EEF1G: variants seen among roughly 807,000 people sequenced by gnomAD.
EEF1G encodes elongation factor 1-gamma.
EEF1G carries 14 observed loss-of-function variants against 58.3 expected under a neutral mutation model. The observed-to-expected ratio is 0.24, with a 90% confidence interval of 0.16 to 0.38. EEF1G has a LOEUF of 0.38. Ranked by LOEUF, EEF1G falls within the 10% of genes least tolerant of loss-of-function variation. The probability of loss-of-function intolerance (pLI) is 1.00; values close to 1 mark genes in which losing one functional copy is unlikely to be tolerated. For synonymous variants in EEF1G, 180 were observed against 206.8 expected, an observed-to-expected ratio of 0.87 and a Z score of 1.11; for missense variants, 322 against 550.1, an observed-to-expected ratio of 0.59 and a Z score of 4.15.
chr11:62,565,153 G>C (rs1012459358), intron 7 of EEF1G, among the ~76,000 whole-genome samples: 1 of 152,050 alleles, frequency 6.6e-6, no homozygotes, highest in Non-Finnish European at 1.5e-5. Context: ...CCAGCACTTT[G>C]AGAGGCCAAG....
chr11:62,572,469 TG>T, intron 2 of EEF1G, 114 bp downstream of exon 2: 1 of 1,367,962 alleles, frequency 7.3e-7, no homozygotes, highest in Non-Finnish European at 1.0e-6. Context: ...TCACCGAAAT[TG>T]AATAAAACAA....
At chr11:62,563,127 T>A (rs1187186424) in intron 7 of EEF1G, among the ~76,000 whole-genome samples, 1 of 151,340 alleles carries the variant, frequency 6.6e-6, no homozygotes, top group African/African-American at 2.4e-5. Flanking sequence ...AACAATCCTT[T>A]TTTTTTTATT....
chr11:62,567,635 C>T, intron 5 of EEF1G, 107 bp from the exon 6 acceptor site: 2 of 1,154,250 alleles, frequency 1.7e-6, no homozygotes, highest in Admixed American at 6.6e-5. Context: ...ACCTTCTTTT[C>T]AAACCCTATA....
At chr11:62,567,109 G>A (rs765319189) in intron 6 of EEF1G, 99 bp from the exon 7 acceptor site, 137 of 1,325,354 alleles carry the variant, frequency 1.0e-4, no homozygotes, top group Non-Finnish European at 1.4e-4. Context: ...GGAAACTGAC[G>A]AATGGGACAA....
In EEF1G at chr11:62,560,055, T is replaced by TC. The variant is rs772799338; in HGVS notation, c.1155+13dup. On this transcript the variant is annotated intron_variant, in intron 9 of 9. Coordinates refer to ENST00000329251, the MANE Select transcript of EEF1G (RefSeq NM_001404.5). ...CCCCACCCTAAAGAGACTCCTCTCC[T>TC]CCACCTTCCTCACCGGAAAGGCAAG... The TC allele has an allele frequency of 7.4e-5, 119 of 1,613,940 alleles. 3 individuals carry two copies. In the South Asian group the frequency reaches 1.3e-3, roughly 17 times the overall value.
intron 1 of EEF1G, chr11:62,573,444 G>A (rs945026209): frequency 2.1e-5 from 6 of 292,114 alleles, no homozygotes; most frequent in Middle Eastern, 1.1e-3. Context: ...ACCTTTAACC[G>A]TGCCAGCCGG....
chr11:62,566,736 G>GA, intron 7 of EEF1G, 70 bp downstream of exon 7: 1 of 1,421,202 alleles, frequency 7.0e-7, no homozygotes, highest in Non-Finnish European at 9.8e-7. Context: ...AGCTGTGTGT[G>GA]AGGGGGGACA....
rs557947786 is a variant in EEF1G at position 62,561,831 on chromosome 11, ACT to A, written c.858-1379_858-1378del. 5.5e-4 allele frequency among the ~76,000 whole-genome samples: 84 copies of A among 151,960 alleles called. No homozygotes were observed. The South Asian group carries it at 0.015, about 27-fold the overall frequency. On this transcript the variant is annotated intron_variant, in intron 7 of 9. Coordinates refer to ENST00000329251, the MANE Select transcript of EEF1G (RefSeq NM_001404.5). ...TAGCCTTGCTTCTCATGTAAATAAGACTCTCTCTCTAGCTGGGAAAGCCGGAC... is the reference window on the plus strand; with the variant it reads ...TAGCCTTGCTTCTCATGTAAATAAGACTCTCTCTAGCTGGGAAAGCCGGAC...
In EEF1G at chr11:62,567,388, C is replaced by A. The variant is rs962584710; in HGVS notation, c.652+11G>T. On this transcript the variant is annotated intron_variant, in intron 6 of 9. Transcript: ENST00000329251. ...TCCTGGCCATATGCCTCCCAGTCTC[C>A]TCAGACTCACCATCAAACTGGGCCA... 1.2e-6 allele frequency: 2 copies of A among 1,608,092 alleles called. No individual in the cohort carries two copies. The highest frequency in any genetic ancestry group is 2.7e-5 in the African/African-American group (2 of 74,716).
chr11:62,570,744 C>T (rs997219871), intron 5 of EEF1G, among the ~76,000 whole-genome samples: 2 of 152,054 alleles, frequency 1.3e-5, no homozygotes, highest in African/African-American at 2.4e-5. Flanking sequence ...TTAGTAGAGA[C>T]AGGGTTTTAC....
chr11:62,571,166 C>A, intron 4 of EEF1G, 58 bp from the exon 5 acceptor site: 3 of 1,610,932 alleles, frequency 1.9e-6, no homozygotes. Context: ...CCCTCACCTC[C>A]CCCATTAATA....
intron 5 of EEF1G, among the ~76,000 whole-genome samples, chr11:62,569,341 G>A (rs2134295504): frequency 6.6e-6 from 1 of 152,220 alleles, no homozygotes; most frequent in East Asian, 1.9e-4. Flanking sequence ...GGGTTTGGTG[G>A]CGCATGCCTG....
intron 1 of EEF1G, chr11:62,573,614 C>T: frequency 1.5e-6 from 1 of 665,150 alleles, no homozygotes; most frequent in Non-Finnish European, 2.6e-6. Flanking sequence ...CATCTCTTTT[C>T]TCCTCTTCCC....
chr11:62,561,694 A>C lies in EEF1G; in HGVS notation c.858-1240T>G, dbSNP rs1457346969. On this transcript the variant is annotated intron_variant, in intron 7 of 9. Transcript: ENST00000329251. ...AACAAAAAAAAAACAAAAAAAAAAA[A>C]AACAACCAAAAAACACATATATGTG... Among the ~76,000 whole-genome samples the C allele has an allele frequency of 6.4e-4, 97 of 151,562 alleles. 2 individuals carry two copies. The highest frequency in any genetic ancestry group is 5.0e-3 in the Admixed American group (76 of 15,210).
chr11:62,571,607 G>A lies in EEF1G; in HGVS notation c.311C>T (p.Ser104Phe). ...GGTACTGGCTGGGGGCACTATATCG[G>A]AATCAGCAAAGCTCACCCACTGCAC... Reference protein sequence around the residue: ...QVVQWVSFADSDIVPPASTWV... With the variant: ...QVVQWVSFADFDIVPPASTWV... The change falls in exon 4 of 10, where the codon TCC (serine) becomes TTC (phenylalanine). Residue 104 changes from serine to phenylalanine, a missense_variant. Coordinates refer to ENST00000329251, the MANE Select transcript of EEF1G (RefSeq NM_001404.5). 6.3e-7 allele frequency: 1 copy of A among 1,589,558 alleles called. No individual in the cohort carries two copies. The highest frequency in any genetic ancestry group is 8.6e-7 in the Non-Finnish European group (1 of 1,167,924).
rs1193287123 is a variant in EEF1G, at chr11:62,572,617, G to A, written c.138C>T (p.Thr46=). Residue 46 remains threonine (T), a synonymous_variant, in exon 2 of 10, where the codon ACC becomes ACT. Coordinates refer to ENST00000329251, the MANE Select transcript of EEF1G (RefSeq NM_001404.5). ...PHFHFGQTNR[T]PEFLRKFPAG... The stretch of plus-strand genomic sequence containing the variant: ...CAGGAAATTTGCGGAGAAATTCAGG[G>A]GTGCGGTTGGTTTGGCCAAAATGGA... 2 of 1,612,064 alleles carry A rather than the reference G, an allele frequency of 1.2e-6. No individual in the cohort carries two copies. Among genetic ancestry groups the A allele is most frequent in the East Asian group, 4.5e-5 (2 of 44,890 alleles).
At chr11:62,569,085 GCACACACA>G (rs58533891) in intron 5 of EEF1G, among the ~76,000 whole-genome samples, 1 of 149,294 alleles carries the variant, frequency 6.7e-6, no homozygotes, top group Admixed American at 6.7e-5. Flanking sequence ...ATACACACAC[GCACACACA>G]CACACACACC....
rs1216164739 is a variant in EEF1G at position 62,571,222 on chromosome 11, C to G, written c.379-114G>C. 3.3e-6 allele frequency: 5 copies of G among 1,501,806 alleles called. No homozygotes were observed. In the East Asian group the frequency reaches 9.2e-5, roughly 28 times the overall value. The allele number at this position is 1,501,806 out of a possible 1,614,324, so 93.0% of individuals were successfully genotyped here. ...ACCTAGAAGTCTGAGCTCACCCTCACTCTCTTTCAATGGAGGCAGATCCTA... is the reference window on the plus strand; with the variant it reads ...ACCTAGAAGTCTGAGCTCACCCTCAGTCTCTTTCAATGGAGGCAGATCCTA... On this transcript the variant is annotated intron_variant, in intron 4 of 9. Coordinates refer to ENST00000329251, the MANE Select transcript of EEF1G (RefSeq NM_001404.5).
chr11:62,567,566 A>G, intron 5 of EEF1G, 38 bp from the exon 6 acceptor site: 12 of 1,537,566 alleles, frequency 7.8e-6, no homozygotes, highest in Non-Finnish European at 1.0e-5. Flanking sequence ...GTCAGTGGAA[A>G]GGCCCTGAAG....
Sources: allele counts gnomAD v4.1 joint callset (sites outside exome capture counted in the v4.1 genomes callset), GRCh38; gene constraint gnomAD v4.1.1; transcripts MANE v1.5; gene names NCBI Gene and HGNC (gene_info 2026-07-23, HGNC 2026-07-21).